L3MBTL4: variants seen among roughly 807,000 people sequenced by gnomAD.
L3MBTL4 encodes lethal(3)malignant brain tumor-like protein 4.
Under a neutral mutation model 84.5 loss-of-function variants are expected in L3MBTL4, and 70 were observed. The observed-to-expected ratio is 0.83, with a 90% confidence interval of 0.68 to 1.01. The LOEUF is 1.01. L3MBTL4 is among the 50% of genes least tolerant of loss of function. The pLI is 0.00. For missense variants in L3MBTL4, 715 were observed against 754.8 expected (o/e 0.95, Z 0.62); for synonymous variants, 274 against 259.8 (o/e 1.05, Z -0.52).
At chr18:6,248,804 C>G (rs1010777981) in intron 5 of L3MBTL4, among the ~76,000 whole-genome samples, 1 of 152,198 alleles carries the variant, frequency 6.6e-6, no homozygotes, top group Admixed American at 6.5e-5. Context: ...TTGTACTCCT[C>G]TGTGTATAGG....
intron 10 of L3MBTL4, among the ~76,000 whole-genome samples, chr18:6,223,302 G>T (rs1259845738): frequency 3.9e-5 from 6 of 152,032 alleles, no homozygotes; most frequent in Non-Finnish European, 2.9e-5. Flanking sequence ...CCTTCTAAAT[G>T]CCAACAGGTA....
chr18:6,163,305 GT>G (rs2043455285), intron 13 of L3MBTL4, among the ~76,000 whole-genome samples: 2 of 85,550 alleles, frequency 2.3e-5, no homozygotes, highest in South Asian at 3.8e-4. Flanking sequence ...GTGTGTGTGT[GT>G]GGGTGGGTGT....
At chr18:6,244,100 G>GTATT (rs1226350571) in intron 6 of L3MBTL4, among the ~76,000 whole-genome samples, 1 of 152,070 alleles carries the variant, frequency 6.6e-6, no homozygotes, top group Non-Finnish European at 1.5e-5. Context: ...TAAAGTGAAT[G>GTATT]TATTTATATA....
At chr18:5,972,550 A>G (rs2052689092) in intron 16 of L3MBTL4, among the ~76,000 whole-genome samples, 1 of 152,218 alleles carries the variant, frequency 6.6e-6, no homozygotes, top group Non-Finnish European at 1.5e-5. Flanking sequence ...GGATTGAGAA[A>G]GGGAAGCGGC....
In L3MBTL4 at chr18:6,408,489, A is replaced by C. The variant is rs1323551211; in HGVS notation, c.-91+6312T>G. On this transcript the variant is annotated intron_variant, in intron 1 of 18. Transcript: ENST00000317931. ...AGTATTTTAAATACAGAGACTTCAC[A>C]TTTTTAAAACTGCAGATTTCCAACT... Among the ~76,000 whole-genome samples, 2 of 152,146 alleles carry C rather than the reference A, an allele frequency of 1.3e-5. 1 individual carries two copies. The highest frequency in any genetic ancestry group is 4.1e-4 in the South Asian group (2 of 4,828).
At chr18:6,370,177 A>G (rs1397013417) in intron 1 of L3MBTL4, among the ~76,000 whole-genome samples, 1 of 150,858 alleles carries the variant, frequency 6.6e-6, no homozygotes, top group Non-Finnish European at 1.5e-5. Flanking sequence ...CTGGCTTACT[A>G]TTGGACACAA....
intron 6 of L3MBTL4, 92 bp from the exon 7 acceptor site, chr18:6,243,521 C>T (rs913655716): frequency 1.8e-6 from 2 of 1,099,306 alleles, no homozygotes; most frequent in Admixed American, 2.7e-5. Context: ...TTTGTCAGTA[C>T]TATCAACATA....
chr18:6,268,824 G>A (rs1443215433), intron 4 of L3MBTL4, among the ~76,000 whole-genome samples: 5 of 152,148 alleles, frequency 3.3e-5, no homozygotes, highest in Non-Finnish European at 5.9e-5. Context: ...ATGTGTATGT[G>A]TATACGTGTG....
chr18:6,109,530 G>C (rs900208662), intron 14 of L3MBTL4, among the ~76,000 whole-genome samples: 2 of 152,110 alleles, frequency 1.3e-5, no homozygotes, highest in Non-Finnish European at 2.9e-5. Context: ...TGCTCTTCTT[G>C]GAGGCCCTTT....
chr18:6,131,765 A>C (rs1041606002), intron 14 of L3MBTL4, among the ~76,000 whole-genome samples: 1 of 152,232 alleles, frequency 6.6e-6, no homozygotes, highest in Admixed American at 6.5e-5. Flanking sequence ...GTGCATGTAT[A>C]TAATATTCTC....
chr18:6,026,813 T>A (rs1019424984), intron 16 of L3MBTL4, among the ~76,000 whole-genome samples: 13 of 152,270 alleles, frequency 8.5e-5, no homozygotes, highest in Admixed American at 7.2e-4. Flanking sequence ...AAGTTGAAAA[T>A]ATCTAAGTAG....
At chr18:5,963,654 TA>T (rs1244231146) in intron 17 of L3MBTL4, among the ~76,000 whole-genome samples, 1 of 152,264 alleles carries the variant, frequency 6.6e-6, no homozygotes, top group African/African-American at 2.4e-5. Flanking sequence ...CCAAGAATTT[TA>T]AAATATGCAA....
intron 9 of L3MBTL4, among the ~76,000 whole-genome samples, chr18:6,238,595 T>G (rs2047319199): frequency 6.6e-6 from 1 of 152,138 alleles, no homozygotes; most frequent in Admixed American, 6.5e-5. Context: ...GCCAGTGATG[T>G]TCCCAAAAAA....
At chr18:6,126,978 T>C (rs917304515) in intron 14 of L3MBTL4, among the ~76,000 whole-genome samples, 1 of 152,184 alleles carries the variant, frequency 6.6e-6, no homozygotes, top group Non-Finnish European at 1.5e-5. Flanking sequence ...ATCAGATAAA[T>C]GTAAGCACGT....
At chr18:6,172,072 A>C (rs1169720860) in intron 12 of L3MBTL4, 130 bp from the exon 13 acceptor site, 2 of 524,046 alleles carry the variant, frequency 3.8e-6, no homozygotes, top group Non-Finnish European at 3.4e-6. Flanking sequence ...CAGTTGAAAT[A>C]ATATTTAATA....
At chr18:6,333,787 G>A (rs1181358597) in intron 1 of L3MBTL4, among the ~76,000 whole-genome samples, 1 of 152,090 alleles carries the variant, frequency 6.6e-6, no homozygotes, top group Non-Finnish European at 1.5e-5. Flanking sequence ...GTCTCTTTAT[G>A]TTCCTAGTCA....
chr18:6,225,252 G>A (rs1483897733), intron 10 of L3MBTL4, among the ~76,000 whole-genome samples: 1 of 152,252 alleles, frequency 6.6e-6, no homozygotes. Context: ...ATACGAGGAA[G>A]CAGTGATTCT....
At chr18:5,989,346 C>G (rs927837935) in intron 16 of L3MBTL4, among the ~76,000 whole-genome samples, 2 of 152,056 alleles carry the variant, frequency 1.3e-5, no homozygotes, top group African/African-American at 4.8e-5. Context: ...TGAAAAAAGG[C>G]ATAAATAAAA....
chr18:6,019,788 C>A (rs2055168540), intron 16 of L3MBTL4, among the ~76,000 whole-genome samples: 1 of 152,200 alleles, frequency 6.6e-6, no homozygotes, highest in Non-Finnish European at 1.5e-5. Context: ...TTTTAAAGAT[C>A]AACTCATGTC....
Sources: gnomAD v4.1 joint callset for allele counts (sites outside exome capture counted in the v4.1 genomes callset) on GRCh38, gnomAD v4.1.1 for gene constraint, MANE v1.5 for transcripts, NCBI Gene and HGNC (gene_info 2026-07-23, HGNC 2026-07-21) for gene names.